PCDHA6: variants seen among roughly 807,000 people sequenced by gnomAD.
PCDHA6 encodes the protein protocadherin alpha-6.
A neutral mutation model predicts 60.3 loss-of-function variants in PCDHA6; 55 were observed. The ratio of observed to expected loss-of-function variants is 0.91; its 90% CI spans 0.73 to 1.14. The LOEUF (loss-of-function observed/expected upper bound fraction) is 1.14. PCDHA6 is among the 50% of genes most tolerant of loss of function. PCDHA6 has a pLI of 0.00. For missense variants in PCDHA6, 1,327 were observed against 1,256.5 expected (o/e 1.06, Z -0.85); for synonymous variants, 652 against 557.9 (o/e 1.17, Z -2.38).
Position 141,009,608 on chromosome 5 carries a change from G to A in PCDHA6, c.2543-19G>A, listed in dbSNP as rs1350951999. ...CATGTGTTGACCCTGTTAATGATTTGTAATGTTTTGTCTTTCAGAACCAGA... is the reference window on the plus strand; with the variant it reads ...CATGTGTTGACCCTGTTAATGATTTATAATGTTTTGTCTTTCAGAACCAGA... On this transcript the variant is annotated intron_variant, in intron 3 of 3. Coordinates refer to ENST00000529310, the MANE Select transcript of PCDHA6 (RefSeq NM_018909.4). The A allele has an allele frequency of 2.5e-6, 4 of 1,610,656 alleles. No individual in the cohort carries two copies. The highest frequency in any genetic ancestry group is 3.4e-6 in the Non-Finnish European group (4 of 1,177,936).
In PCDHA6 at chr5:140,830,600, A is replaced by G. The variant is rs1227931663; in HGVS notation, c.2394+115A>G. ...TTTTTAATTAATTTTACAAAATTAC[A>G]TATTTTCATTTTATTGTGTTTCTTA... is the stretch of plus-strand genomic sequence containing the variant. On this transcript the variant is annotated intron_variant, in intron 1 of 3. Coordinates refer to ENST00000529310, the MANE Select transcript of PCDHA6 (RefSeq NM_018909.4). 1.8e-5 allele frequency: 12 copies of G among 670,896 alleles called. 1 individual carries two copies. Among genetic ancestry groups the G allele is most frequent in the East Asian group, 1.4e-4 (4 of 29,586 alleles). The allele number at this position is 670,896 out of a possible 1,614,324, so 41.6% of individuals were successfully genotyped here. A position where few individuals can be genotyped will look rare whatever the true frequency, so the allele number is the denominator to read the frequency against.
chr5:140,883,222 A>T lies in PCDHA6; in HGVS notation c.2394+52737A>T, dbSNP rs1164969110. ...TCGAAGAAAAGAAATTATATGAAATATCCGTGGAGGCAGTTGACAAAGGAA... is the reference window on the plus strand; with the variant it reads ...TCGAAGAAAAGAAATTATATGAAATTTCCGTGGAGGCAGTTGACAAAGGAA... On this transcript the variant is annotated intron_variant, in intron 1 of 3. Transcript: ENST00000529310. 8.7e-6 allele frequency: 14 copies of T among 1,613,970 alleles called. No homozygotes were observed. The African/African-American group carries it at 1.7e-4, about 20-fold the overall frequency.
rs2150172886 is a variant in PCDHA6, at chr5:140,829,705, C to G, written c.1614C>G (p.Arg538=). The G allele has an allele frequency of 2.5e-6, 4 of 1,613,374 alleles. No individual in the cohort carries two copies. The highest frequency in any genetic ancestry group is 4.5e-5 in the East Asian group (2 of 44,864). The change falls in exon 1 of 4, where the codon CGC becomes CGG. Residue 538 remains arginine, a synonymous_variant. Transcript: ENST00000529310. The stretch of plus-strand genomic sequence containing the variant: ...TGCTGCAGTTTCAGGTGAGCGCGCG[C>G]GACGCGGGCGTGCCGCCTCTGGGCA... ...LELLQFQVSA[R]DAGVPPLGSN...
chr5:140,921,694 A>G (rs1251407999), intron 1 of PCDHA6, among the ~76,000 whole-genome samples: 1 of 152,200 alleles, frequency 6.6e-6, no homozygotes, highest in Non-Finnish European at 1.5e-5. Context: ...TGGCCACCTC[A>G]ATTTTAAACA....
At chr5:140,831,687 G>A (rs893697384) in intron 1 of PCDHA6, among the ~76,000 whole-genome samples, 1 of 152,012 alleles carries the variant, frequency 6.6e-6, no homozygotes, top group African/African-American at 2.4e-5. Flanking sequence ...TGAATGAAAA[G>A]CAGCAAAAAG....
chr5:140,835,605 G>A, intron 1 of PCDHA6: 1 of 1,613,894 alleles, frequency 6.2e-7, no homozygotes, highest in Non-Finnish European at 8.5e-7. Context: ...CTATTCATTG[G>A]TGCTGGACAG....
intron 1 of PCDHA6, among the ~76,000 whole-genome samples, chr5:140,900,088 G>C (rs545975836): frequency 6.6e-6 from 1 of 152,240 alleles, no homozygotes; most frequent in African/African-American, 2.4e-5. Context: ...GCAGTTACAA[G>C]CATGCGCCAC....
intron 1 of PCDHA6, chr5:140,927,773 A>C (rs143568645): frequency 6.2e-7 from 1 of 1,614,078 alleles, no homozygotes; most frequent in Non-Finnish European, 8.5e-7. Flanking sequence ...GGGGAGGTGC[A>C]AGTAGCTGCT....
chr5:140,934,429 T>C (rs1480259267), intron 1 of PCDHA6, among the ~76,000 whole-genome samples: 1 of 152,194 alleles, frequency 6.6e-6, no homozygotes, highest in African/African-American at 2.4e-5. Context: ...TCAATGCAAG[T>C]GTAAATATAG....
At chr5:140,831,756 AT>A (rs1554133366) in intron 1 of PCDHA6, among the ~76,000 whole-genome samples, 1 of 152,022 alleles carries the variant, frequency 6.6e-6, no homozygotes, top group Non-Finnish European at 1.5e-5. Context: ...ATCGCTACCA[AT>A]TTTGTTTTGT....
intron 1 of PCDHA6, chr5:140,928,710 T>C (rs1370353227): frequency 3.7e-6 from 6 of 1,614,192 alleles, no homozygotes; most frequent in Non-Finnish European, 5.1e-6. Context: ...CGTCTGACTC[T>C]AGTCTCTTTA....
chr5:140,870,455 C>A, intron 1 of PCDHA6: 6 of 1,614,246 alleles, frequency 3.7e-6, no homozygotes, highest in Non-Finnish European at 5.1e-6. Context: ...AACGACAATG[C>A]GCCTGCGTTC....
At chr5:140,964,998 G>C (rs2095868277) in intron 1 of PCDHA6, among the ~76,000 whole-genome samples, 1 of 152,166 alleles carries the variant, frequency 6.6e-6, no homozygotes, top group Admixed American at 6.5e-5. Flanking sequence ...TTTGAATTCT[G>C]GGTGTCAGGA....
chr5:140,964,168 G>A (rs928554352), intron 1 of PCDHA6, among the ~76,000 whole-genome samples: 1 of 152,166 alleles, frequency 6.6e-6, no homozygotes, highest in Non-Finnish European at 1.5e-5. Flanking sequence ...TGTGAGGAAC[G>A]AAATCATTAT....
chr5:140,833,151 G>A (rs1260869856), intron 1 of PCDHA6, among the ~76,000 whole-genome samples: 3 of 152,094 alleles, frequency 2.0e-5, no homozygotes, highest in Non-Finnish European at 4.4e-5. Flanking sequence ...GAAGCAATAC[G>A]AATAAAAAGT....
chr5:140,927,127 G>C (rs1202029150), intron 1 of PCDHA6: 1 of 1,613,964 alleles, frequency 6.2e-7, no homozygotes, highest in Non-Finnish European at 8.5e-7. Context: ...GGTGGTCAGA[G>C]AGCCGGCGGA....
intron 1 of PCDHA6, chr5:140,861,156 A>T (rs782717452): frequency 6.5e-6 from 1 of 154,840 alleles, no homozygotes; most frequent in Non-Finnish European, 1.4e-5. Context: ...ACAAGGACCA[A>T]AAGGTCTCAG....
At chr5:140,984,192 A>G (rs1233193080) in intron 3 of PCDHA6, among the ~76,000 whole-genome samples, 31 of 152,144 alleles carry the variant, frequency 2.0e-4, no homozygotes, top group Admixed American at 2.0e-3. Context: ...ATGACTTTCT[A>G]CCTTGCCTTT....
At chr5:140,861,714 C>T (rs1270815582) in intron 1 of PCDHA6, 2 of 216,396 alleles carry the variant, frequency 9.2e-6, no homozygotes, top group Non-Finnish European at 1.9e-5. Flanking sequence ...GACGTCGGGG[C>T]CAATGCTCTG....
Sources: gnomAD v4.1 joint callset for allele counts (sites outside exome capture counted in the v4.1 genomes callset) on GRCh38, gnomAD v4.1.1 for gene constraint, MANE v1.5 for transcripts, NCBI Gene and HGNC (gene_info 2026-07-23, HGNC 2026-07-21) for gene names.